Variants in TMTC2 observed in about 807,000 individuals in gnomAD.
TMTC2 encodes the protein protein O-mannosyl-transferase TMTC2.
TMTC2 carries 43 observed loss-of-function variants against 82.4 expected under a neutral mutation model. That is an observed-to-expected ratio of 0.52 (90% CI 0.41 to 0.67). The LOEUF (loss-of-function observed/expected upper bound fraction) is 0.67. TMTC2 is among the 30% of genes least tolerant of loss of function. The probability of loss-of-function intolerance (pLI) is 0.00; values close to 1 mark genes in which losing one functional copy is unlikely to be tolerated. For missense variants in TMTC2, 919 were observed against 1,012.4 expected (o/e 0.91, Z 1.25); for synonymous variants, 408 against 381.9 (o/e 1.07, Z -0.80).
intron 1 of TMTC2, among the ~76,000 whole-genome samples, chr12:82,781,507 G>T (rs558585816): frequency 6.7e-6 from 1 of 149,594 alleles, no homozygotes; most frequent in Non-Finnish European, 1.5e-5. Context: ...GGAGAAAACC[G>T]CTGTCCATCT....
chr12:82,781,615 T>A (rs1420317264), intron 1 of TMTC2, among the ~76,000 whole-genome samples: 1 of 151,938 alleles, frequency 6.6e-6, no homozygotes, highest in African/African-American at 2.4e-5. Context: ...CAGAAGTGAT[T>A]ACTAATTACG....
At chr12:83,019,667 C>T (rs1183904692) in intron 8 of TMTC2, among the ~76,000 whole-genome samples, 1 of 152,194 alleles carries the variant, frequency 6.6e-6, no homozygotes, top group African/African-American at 2.4e-5. Flanking sequence ...TAGGGTCACC[C>T]TTGCTACTCC....
chr12:82,889,608 G>A (rs556980600), intron 2 of TMTC2, among the ~76,000 whole-genome samples: 37 of 151,902 alleles, frequency 2.4e-4, no homozygotes, highest in Middle Eastern at 3.4e-3. Flanking sequence ...AAGCATTTGT[G>A]AAAAATATTT....
At chr12:82,740,719 C>G (rs1875356878) in intron 1 of TMTC2, among the ~76,000 whole-genome samples, 1 of 152,214 alleles carries the variant, frequency 6.6e-6, no homozygotes, top group African/African-American at 2.4e-5. Flanking sequence ...CTTTCTCTAT[C>G]TGTGACCCTC....
intron 11 of TMTC2, among the ~76,000 whole-genome samples, chr12:83,073,167 G>T (rs574505806): frequency 6.6e-6 from 1 of 152,016 alleles, no homozygotes; most frequent in Admixed American, 6.6e-5. Flanking sequence ...AGCAGTTCTT[G>T]TAGTGGTAGG....
At chr12:83,038,665 T>C (rs2137435712) in intron 9 of TMTC2, among the ~76,000 whole-genome samples, 1 of 152,200 alleles carries the variant, frequency 6.6e-6, no homozygotes, top group South Asian at 2.1e-4. Flanking sequence ...ACTGCCTATG[T>C]TATTATGTTA....
intron 1 of TMTC2, among the ~76,000 whole-genome samples, chr12:82,845,486 G>A (rs1172202618): frequency 6.6e-6 from 1 of 151,780 alleles, no homozygotes; most frequent in Non-Finnish European, 1.5e-5. Context: ...ACTTTTAGGT[G>A]TGAGAAAGCC....
At chr12:82,867,353 T>A (rs926659142) in intron 2 of TMTC2, among the ~76,000 whole-genome samples, 1 of 152,216 alleles carries the variant, frequency 6.6e-6, no homozygotes, top group Non-Finnish European at 1.5e-5. Context: ...TATTTCTCTT[T>A]GTTGTGATGG....
At chr12:82,763,010 GTT>G (rs142606394) in intron 1 of TMTC2, among the ~76,000 whole-genome samples, 4,701 of 151,978 alleles carry the variant, frequency 0.031, 240 homozygotes, top group African/African-American at 0.11. Flanking sequence ...TAAATAATTA[GTT>G]AATTAATTTT....
chr12:82,699,072 T>C (rs1252095441), intron 1 of TMTC2, among the ~76,000 whole-genome samples: 1 of 152,236 alleles, frequency 6.6e-6, no homozygotes, highest in African/African-American at 2.4e-5. Flanking sequence ...GGGGGTCTAC[T>C]GTATCTCACT....
chr12:83,026,705 AGTGTGTGTGTGTGTGT>A lies in TMTC2; in HGVS notation c.2071-4071_2071-4056del, dbSNP rs67900968. Among the ~76,000 whole-genome samples the A allele has an allele frequency of 1.3e-3, 186 of 143,018 alleles. 3 individuals carry two copies. The South Asian group carries it at 0.023, about 18-fold the overall frequency. The allele number at this position is 143,018 out of a possible 152,430, so 93.8% of individuals were successfully genotyped here. ...GGGGAGTTTTAGAAATGATTGAAGG[AGTGTGTGTGTGTGTGT>A]GTGTGTGTGTGTGTGTGTGTGAAAA... On this transcript the variant is annotated intron_variant, in intron 8 of 11. Transcript: ENST00000321196.
At chr12:82,765,750 C>A (rs1876922035) in intron 1 of TMTC2, among the ~76,000 whole-genome samples, 1 of 151,994 alleles carries the variant, frequency 6.6e-6, no homozygotes, top group Non-Finnish European at 1.5e-5. Flanking sequence ...ACCTTGCTAT[C>A]ATATTCATCA....
intron 8 of TMTC2, among the ~76,000 whole-genome samples, chr12:83,028,409 TC>T (rs1177394289): frequency 6.6e-6 from 1 of 152,156 alleles, no homozygotes. Context: ...CTCCTCACCT[TC>T]CCACAACCCC....
intron 2 of TMTC2, among the ~76,000 whole-genome samples, chr12:82,866,706 G>A (rs577782741): frequency 1.2e-4 from 19 of 152,148 alleles, no homozygotes; most frequent in Admixed American, 6.5e-4. Flanking sequence ...GATGTGGTTT[G>A]CACAAATTTG....
intron 11 of TMTC2, among the ~76,000 whole-genome samples, chr12:83,102,847 A>G (rs1884265505): frequency 1.3e-5 from 2 of 152,216 alleles, no homozygotes; most frequent in Admixed American, 1.3e-4. Context: ...GTCATTGACC[A>G]ACCTTAGGTT....
At chr12:82,960,463 T>A (rs1380470264) in intron 4 of TMTC2, among the ~76,000 whole-genome samples, 2 of 152,106 alleles carry the variant, frequency 1.3e-5, no homozygotes, top group African/African-American at 4.8e-5. Context: ...TATATAATTA[T>A]GTATTTTGCT....
chr12:82,702,916 A>C (rs1053444010), intron 1 of TMTC2, among the ~76,000 whole-genome samples: 2 of 152,074 alleles, frequency 1.3e-5, no homozygotes, highest in Non-Finnish European at 2.9e-5. Context: ...GGAGGCTGAG[A>C]TTGGAGGATC....
chr12:82,723,965 G>A (rs2136929941), intron 1 of TMTC2, among the ~76,000 whole-genome samples: 1 of 152,290 alleles, frequency 6.6e-6, no homozygotes, highest in East Asian at 1.9e-4. Context: ...TATCCAGGGT[G>A]ACCCTGGATA....
At chr12:82,888,218 T>C (rs1307442855) in intron 2 of TMTC2, among the ~76,000 whole-genome samples, 1 of 152,224 alleles carries the variant, frequency 6.6e-6, no homozygotes, top group East Asian at 1.9e-4. Context: ...TATCTGTAAA[T>C]TTTTTGTTTG....
Sources: allele counts gnomAD v4.1 joint callset (sites outside exome capture counted in the v4.1 genomes callset), GRCh38; gene constraint gnomAD v4.1.1; transcripts MANE v1.5; gene names NCBI Gene and HGNC (gene_info 2026-07-23, HGNC 2026-07-21).